The following DCDC1 variants were observed in gnomAD, a reference collection of about 807,000 sequenced individuals.
DCDC1 encodes the protein doublecortin domain-containing protein 1.
DCDC1 carries 200 observed loss-of-function variants against 178.3 expected under a neutral mutation model. That is an observed-to-expected ratio of 1.12 (90% CI 1.00 to 1.26). The LOEUF is 1.26. Ranked by LOEUF, DCDC1 falls within the 50% of genes most tolerant of loss-of-function variation. The pLI is 0.00. For synonymous variants in DCDC1, 690 were observed against 604.8 expected, an observed-to-expected ratio of 1.14 and a Z score of -2.07; for missense variants, 1,983 against 1,749.2, an observed-to-expected ratio of 1.13 and a Z score of -2.38.
At chr11:30,907,218 C>T (rs1430035816) in intron 29 of DCDC1, among the ~76,000 whole-genome samples, 4 of 152,048 alleles carry the variant, frequency 2.6e-5, no homozygotes, top group African/African-American at 9.7e-5. Context: ...TAAATAAAAA[C>T]AAATAAACCC....
At chr11:31,079,406 T>A (rs1177868852) in intron 17 of DCDC1, among the ~76,000 whole-genome samples, 2 of 152,164 alleles carry the variant, frequency 1.3e-5, no homozygotes, top group Admixed American at 6.5e-5. Context: ...ATATCCTTCA[T>A]AATAAACTGG....
intron 9 of DCDC1, among the ~76,000 whole-genome samples, chr11:31,183,200 A>C (rs971615208): frequency 1.3e-5 from 2 of 152,258 alleles, no homozygotes; most frequent in African/African-American, 2.4e-5. Context: ...AGACAGAAAA[A>C]TAACAAGGAT....
Position 31,290,651 on chromosome 11 carries a change from T to A in DCDC1, c.956A>T (p.Lys319Ile). 6.3e-7 allele frequency: 1 copy of A among 1,599,496 alleles called. No homozygotes were observed. Among genetic ancestry groups the A allele is most frequent in the South Asian group, 1.1e-5 (1 of 87,040 alleles). ...CAATATTTAATTAAAAATTACCTTT[T>A]TCATTGTTTCTTTTCCCACTGTAAT... ...HEITVGKETM[K>I]KVLDTCTIRM... The change falls in exon 7 of 39, where the codon AAA (lysine) becomes ATA (isoleucine). Residue 319 changes from lysine to isoleucine, a missense_variant. By Grantham distance (102) the Lys-to-Ile change is moderately radical. Coordinates refer to ENST00000684477, the MANE Select transcript of DCDC1 (RefSeq NM_001387274.1).
intron 11 of DCDC1, among the ~76,000 whole-genome samples, chr11:31,121,427 T>G (rs1261484137): frequency 6.9e-6 from 1 of 145,644 alleles, no homozygotes; most frequent in African/African-American, 2.6e-5. Flanking sequence ...TTTTTTATCT[T>G]GTATGCCCAT....
intron 17 of DCDC1, among the ~76,000 whole-genome samples, chr11:31,078,991 ATGT>A (rs1957022316): frequency 6.6e-6 from 1 of 152,192 alleles, no homozygotes; most frequent in African/African-American, 2.4e-5. Flanking sequence ...AGTAAGAAAC[ATGT>A]TGTCTCTGTG....
chr11:31,012,450 T>TA (rs1257307705), intron 20 of DCDC1, among the ~76,000 whole-genome samples: 2 of 151,746 alleles, frequency 1.3e-5, no homozygotes, highest in Non-Finnish European at 2.9e-5. Flanking sequence ...AATATATATA[T>TA]TTTTAATTAC....
chr11:31,035,686 T>C (rs939164626), intron 20 of DCDC1, among the ~76,000 whole-genome samples: 4 of 152,230 alleles, frequency 2.6e-5, no homozygotes, highest in Admixed American at 1.3e-4. Context: ...TCCTTAGTAA[T>C]TAATAAATAC....
intron 1 of DCDC1, among the ~76,000 whole-genome samples, chr11:31,341,812 T>TACACACACAC (rs34730979): frequency 0.14 from 20,676 of 144,322 alleles, 1,716 homozygotes; most frequent in African/African-American, 0.22. Flanking sequence ...TGCATGACTA[T>TACACACACAC]ACACACACAC....
intron 3 of DCDC1, among the ~76,000 whole-genome samples, chr11:31,323,506 A>T (rs753059996): frequency 6.6e-6 from 1 of 152,188 alleles, no homozygotes; most frequent in Non-Finnish European, 1.5e-5. Context: ...AATGCAGTCA[A>T]CCATTTTCAT....
intron 1 of DCDC1, among the ~76,000 whole-genome samples, chr11:31,368,942 A>ACACCACCAC (rs534970534): frequency 3.0e-4 from 45 of 151,712 alleles, no homozygotes; most frequent in Middle Eastern, 3.4e-3. Context: ...GGTGAGAAAA[A>ACACCACCAC]CACCACCACC....
At chr11:31,111,441 G>A (rs1959173959) in intron 11 of DCDC1, among the ~76,000 whole-genome samples, 1 of 152,078 alleles carries the variant, frequency 6.6e-6, no homozygotes, top group Admixed American at 6.6e-5. Flanking sequence ...GAGTAGTAAT[G>A]TCAAAAATTG....
In DCDC1 at chr11:30,880,603, T is replaced by C. The variant is rs117741729; in HGVS notation, c.5233+555A>G. Among the ~76,000 whole-genome samples, 341 of 152,250 alleles carry C rather than the reference T, an allele frequency of 2.2e-3. 5 individuals carry two copies. The East Asian group carries it at 0.049, about 22-fold the overall frequency. ...TGAAAATTATATCTTTGCTAATATA[T>C]ACCTACCTACAAATACTGGCTTTAA... On this transcript the variant is annotated intron_variant, in intron 37 of 38. Coordinates refer to ENST00000684477, the MANE Select transcript of DCDC1 (RefSeq NM_001387274.1).
chr11:30,904,791 C>A, intron 31 of DCDC1, 170 bp downstream of exon 31: 1 of 756,388 alleles, frequency 1.3e-6, no homozygotes, highest in Non-Finnish European at 2.1e-6. Context: ...CACTGACATA[C>A]AATCAAATAA....
intron 20 of DCDC1, among the ~76,000 whole-genome samples, chr11:31,051,175 A>T (rs1323451219): frequency 6.6e-6 from 1 of 152,158 alleles, no homozygotes; most frequent in Non-Finnish European, 1.5e-5. Context: ...TAGAAATGTG[A>T]AATGCTCTGG....
At chr11:31,313,215 T>G (rs1591730541) in intron 3 of DCDC1, among the ~76,000 whole-genome samples, 1 of 152,314 alleles carries the variant, frequency 6.6e-6, no homozygotes, top group East Asian at 1.9e-4. Flanking sequence ...TCCCTTTCTA[T>G]TAGGTTATAA....
chr11:30,938,142 C>A (rs1194446514), intron 21 of DCDC1, among the ~76,000 whole-genome samples: 1 of 152,130 alleles, frequency 6.6e-6, no homozygotes, highest in Non-Finnish European at 1.5e-5. Flanking sequence ...TTATTTTTCT[C>A]CCCAGTCTCA....
chr11:31,021,998 TC>T (rs757745760), intron 20 of DCDC1, among the ~76,000 whole-genome samples: 1 of 152,162 alleles, frequency 6.6e-6, no homozygotes, highest in Non-Finnish European at 1.5e-5. Context: ...CCAGTCTTTA[TC>T]CAGTCCCTAC....
chr11:31,264,209 T>A (rs1422673983), intron 8 of DCDC1, among the ~76,000 whole-genome samples: 1 of 152,142 alleles, frequency 6.6e-6, no homozygotes, highest in African/African-American at 2.4e-5. Context: ...TTGCCCTCTT[T>A]TATGTTACAT....
chr11:30,918,052 A>AC (rs1444599280), intron 25 of DCDC1, among the ~76,000 whole-genome samples: 1 of 152,114 alleles, frequency 6.6e-6, no homozygotes, highest in Admixed American at 6.6e-5. Flanking sequence ...CAGTTAAAAA[A>AC]AACAACAGCG....
Sources: allele counts gnomAD v4.1 joint callset (sites outside exome capture counted in the v4.1 genomes callset), GRCh38; gene constraint gnomAD v4.1.1; transcripts MANE v1.5; gene names NCBI Gene and HGNC (gene_info 2026-07-23, HGNC 2026-07-21).